C1orf167: variants seen among roughly 807,000 people sequenced by gnomAD.
C1orf167 encodes the protein chromosome 1 open reading frame 167.
Under a neutral mutation model 176.5 loss-of-function variants are expected in C1orf167, and 153 were observed. The ratio of observed to expected loss-of-function variants is 0.87; its 90% confidence interval spans 0.76 to 0.99. The LOEUF (loss-of-function observed/expected upper bound fraction) is 0.99. Among genes scored for constraint, C1orf167 ranks in the 50% least tolerant of loss-of-function variants. The pLI is 0.00. For synonymous variants in C1orf167, 594 were observed against 752.7 expected, an observed-to-expected ratio of 0.79 and a Z score of 3.45; for missense variants, 1,490 against 1,817.7, an observed-to-expected ratio of 0.82 and a Z score of 3.28.
At chr1:11,772,487 G>A (rs1643128586) in intron 8 of C1orf167, among the ~76,000 whole-genome samples, 1 of 152,066 alleles carries the variant, frequency 6.6e-6, no homozygotes, top group South Asian at 2.1e-4. Flanking sequence ...GGCTGGTCTC[G>A]AACTCCTGAA....
In C1orf167 at chr1:11,788,320, C is replaced by A; in HGVS notation, c.4020C>A (p.Gly1340=). 7.7e-7 allele frequency: 1 copy of A among 1,302,348 alleles called. No individual in the cohort carries two copies. 80.7% of individuals were successfully genotyped at this position (1,302,348 alleles called of 1,614,324 possible). The change falls in exon 19 of 21, where the codon GGC becomes GGA. Residue 1340 remains glycine, a synonymous_variant. Transcript: ENST00000688073. ...AAGFPAGQVP[G]SGMAALGGCP... ...GGTTCCCAGCAGGCCAGGTGCCTGG[C>A]AGTGGCATGGCAGCACTGGGTGGAT... is the stretch of plus-strand genomic sequence containing the variant.
rs1643738624 is a variant in C1orf167, at chr1:11,784,321, G to T, written c.3153G>T (p.Gln1051His). The stretch of plus-strand genomic sequence containing the variant: ...CCCAGGAAGTGGCAGCCGGGGCACA[G>T]GAGCAGCGTGTGGCCCAGGCCTCCC... Reference protein sequence around the residue: ...REAQEVAAGAQEQRVAQASLA... With the variant: ...REAQEVAAGAHEQRVAQASLA... The change falls in exon 15 of 21, where the codon CAG (glutamine) becomes CAT (histidine). Residue 1051 changes from glutamine to histidine, a missense_variant. Physicochemically the swap from Gln to His is conservative, Grantham distance 24. Transcript: ENST00000688073. The T allele has an allele frequency of 1.5e-6, 2 of 1,303,818 alleles. No individual in the cohort carries two copies. Among genetic ancestry groups the T allele is most frequent in the Non-Finnish European group, 2.0e-6 (2 of 988,744 alleles). 80.8% of individuals were successfully genotyped at this position (1,303,818 alleles called of 1,614,324 possible). A position where few individuals can be genotyped will look rare whatever the true frequency, so the allele number is the denominator to read the frequency against.
chr1:11,768,336 G>A lies in C1orf167; in HGVS notation c.1542+61G>A, dbSNP rs541929966. ...GAAGCAGTGGTGTGTCTGGGGAGGA[G>A]ACTCAGTCTACGGAGAGGACACCCA... On this transcript the variant is annotated intron_variant, in intron 5 of 20. Coordinates refer to ENST00000688073, the MANE Select transcript of C1orf167 (RefSeq NM_001010881.2). The surrounding 1 kb of genome is among the most constrained non-coding windows in gnomAD (Gnocchi z 4.5). The A allele has an allele frequency of 3.6e-5, 46 of 1,262,344 alleles. No homozygotes were observed. In the South Asian group the frequency reaches 4.0e-4, roughly 11 times the overall value. The allele number at this position is 1,262,344 out of a possible 1,614,324, so 78.2% of individuals were successfully genotyped here.
intron 10 of C1orf167, chr1:11,778,354 G>A (rs1643423259): frequency 6.1e-6 from 1 of 164,730 alleles, no homozygotes; most frequent in Admixed American, 6.1e-5. Context: ...TGCTCACTGA[G>A]GTCACTCAGA....
At chr1:11,769,674 GT>G (rs70983593) in intron 6 of C1orf167, among the ~76,000 whole-genome samples, 5 of 142,164 alleles carry the variant, frequency 3.5e-5, no homozygotes, top group African/African-American at 1.0e-4. Flanking sequence ...TGTTTAGGAA[GT>G]TTTTTTTTTT....
intron 8 of C1orf167, among the ~76,000 whole-genome samples, chr1:11,774,741 G>T (rs1023520814): frequency 6.6e-6 from 1 of 152,220 alleles, no homozygotes; most frequent in Non-Finnish European, 1.5e-5. Flanking sequence ...GTGGGGAGGG[G>T]CTGAAATTTG....
chr1:11,763,186 T>C (rs1365270514), intron 1 of C1orf167, among the ~76,000 whole-genome samples: 2 of 152,204 alleles, frequency 1.3e-5, no homozygotes, highest in East Asian at 3.8e-4. Context: ...ACGCCTGTAA[T>C]CCCAGCACTT....
chr1:11,770,611 T>TA (rs959455714), intron 6 of C1orf167, among the ~76,000 whole-genome samples: 6 of 95,456 alleles, frequency 6.3e-5, no homozygotes, highest in Non-Finnish European at 4.3e-5. Context: ...GCCTGGCTGA[T>TA]TTTTTTTTTT....
chr1:11,768,456 C>A lies in C1orf167; in HGVS notation c.1542+181C>A. The A allele has an allele frequency of 2.1e-6, 1 of 471,986 alleles. No homozygotes were observed. Among genetic ancestry groups the A allele is most frequent in the Non-Finnish European group, 3.4e-6 (1 of 293,790 alleles). 29.2% of individuals were successfully genotyped at this position (471,986 alleles called of 1,614,324 possible). ...CAGCTCTGCCTGAGTTCAAATCCTG[C>A]CCCCTCTACCACTTTCTAGCTGCGT... On this transcript the variant is annotated intron_variant, in intron 5 of 20. Coordinates refer to ENST00000688073, the MANE Select transcript of C1orf167 (RefSeq NM_001010881.2). This position sits in a 1 kb window ranked among gnomAD's most constrained non-coding sequence, Gnocchi z 4.5.
At chr1:11,763,835 G>A (rs1642649324) in intron 1 of C1orf167, among the ~76,000 whole-genome samples, 1 of 152,214 alleles carries the variant, frequency 6.6e-6, no homozygotes, top group African/African-American at 2.4e-5. Flanking sequence ...CTGGATGCGT[G>A]TGGGAGGCAG....
chr1:11,767,683 G>A (rs1330606264), intron 4 of C1orf167, among the ~76,000 whole-genome samples: 1 of 152,086 alleles, frequency 6.6e-6, no homozygotes, highest in Admixed American at 6.5e-5. Flanking sequence ...AAAATCAGCC[G>A]GGTGGGGTGG....
At chr1:11,765,053 CAAAA>C (rs376686533) in intron 2 of C1orf167, among the ~76,000 whole-genome samples, 3 of 67,458 alleles carry the variant, frequency 4.4e-5, no homozygotes, top group Admixed American at 2.3e-4. Context: ...GACTCTGTCT[CAAAA>C]AAAAAAAAAA....
intron 12 of C1orf167, 90 bp from the exon 13 acceptor site, chr1:11,779,712 G>T: frequency 9.9e-7 from 1 of 1,011,994 alleles, no homozygotes; most frequent in South Asian, 1.5e-5. Context: ...TCCTGCTGCT[G>T]GGGAGAGGAA....
At position 11,765,972 on chromosome 1, in the gene C1orf167, A is replaced by G. The variant is rs1212530862; in HGVS notation, c.186A>G (p.Ala62=). ...CTGCTGCCACACCCTCCCCAGGGGC[A>G]GTGCTAGACCAGGAGCCCTGCCGAG... ...GGPAATPSPG[A]VLDQEPCRVQ... is the part of the protein sequence containing the mutation. Residue 62 remains alanine (A), a synonymous_variant, in exon 3 of 21, where the codon GCA becomes GCG. Coordinates refer to ENST00000688073, the MANE Select transcript of C1orf167 (RefSeq NM_001010881.2). 4.7e-6 allele frequency: 6 copies of G among 1,283,054 alleles called. No individual in the cohort carries two copies. Among genetic ancestry groups the G allele is most frequent in the South Asian group, 2.5e-5 (2 of 80,560 alleles). The allele number at this position is 1,283,054 out of a possible 1,614,324, so 79.5% of individuals were successfully genotyped here.
At chr1:11,785,066 C>T in intron 15 of C1orf167, 82 bp from the exon 16 acceptor site, 1 of 1,135,954 alleles carries the variant, frequency 8.8e-7, no homozygotes, top group Non-Finnish European at 1.1e-6. Context: ...GGAAGGCCCC[C>T]TCCCGCAGGG....
intron 13 of C1orf167, among the ~76,000 whole-genome samples, chr1:11,781,131 G>A (rs1183713742): frequency 6.6e-6 from 1 of 151,146 alleles, no homozygotes; most frequent in Non-Finnish European, 1.5e-5. Flanking sequence ...CCTCGTAGCT[G>A]GGATTACAGG....
intron 16 of C1orf167, 27 bp from the exon 17 acceptor site, chr1:11,787,361 G>T: frequency 8.0e-7 from 1 of 1,255,618 alleles, no homozygotes. Context: ...ATGGGGTTCA[G>T]GTGCTCCTCT....
chr1:11,772,259 G>A lies in C1orf167; in HGVS notation c.1988G>A (p.Arg663Lys). 7.7e-7 allele frequency: 1 copy of A among 1,300,112 alleles called. No homozygotes were observed. The highest frequency in any genetic ancestry group is 2.4e-4 in the Middle Eastern group (1 of 4,244). 80.5% of individuals were successfully genotyped at this position (1,300,112 alleles called of 1,614,324 possible). A position where few individuals can be genotyped will look rare whatever the true frequency, so the allele number is the denominator to read the frequency against. The change falls in exon 8 of 21, where the codon AGG becomes AAG. Residue 663 changes from arginine to lysine, a missense_variant and splice_region_variant. Coordinates refer to ENST00000688073, the MANE Select transcript of C1orf167 (RefSeq NM_001010881.2). ...SPQHQRAWLC[R>K]CFGAWQQFVQ... is the part of the protein sequence containing the mutation. ...CAGCACCAGAGAGCTTGGCTGTGCA[G>A]GTAGGATGCCCTTCCCTTTTTTTTG...
In C1orf167 at chr1:11,770,810, A is replaced by AT. The variant is rs58293655; in HGVS notation, c.1698-701dup. 9.8e-3 allele frequency among the ~76,000 whole-genome samples: 1,379 copies of AT among 140,570 alleles called. 25 individuals are homozygous for AT. Among genetic ancestry groups the AT allele is most frequent in the African/African-American group, 0.035 (1,305 of 37,660 alleles). The allele number at this position is 140,570 out of a possible 152,430, so 92.2% of individuals were successfully genotyped here. Reference sequence around the variant, plus strand: ...CCCCAATTTTCTACTACAGTTGGGTATTTTTTTTTTTTTAAACAGAGCCTT... The same window carrying AT: ...CCCCAATTTTCTACTACAGTTGGGTATTTTTTTTTTTTTTAAACAGAGCCTT... On this transcript the variant is annotated intron_variant, in intron 6 of 20. Coordinates refer to ENST00000688073, the MANE Select transcript of C1orf167 (RefSeq NM_001010881.2).
Sources: allele counts gnomAD v4.1 joint callset (sites outside exome capture counted in the v4.1 genomes callset), GRCh38; gene constraint gnomAD v4.1.1; non-coding constraint Gnocchi (gnomAD v3.1); transcripts MANE v1.5; gene names NCBI Gene and HGNC (gene_info 2026-07-23, HGNC 2026-07-21).